The following VPS54 variants were observed in gnomAD, a reference collection of about 807,000 sequenced individuals.
VPS54 encodes the protein vacuolar protein sorting-associated protein 54.
A neutral mutation model predicts 121.5 loss-of-function variants in VPS54; 45 were observed. The ratio of observed to expected loss-of-function variants is 0.37; its 90% CI spans 0.29 to 0.47. The LOEUF (loss-of-function observed/expected upper bound fraction) is 0.47, where lower values mean the gene tolerates loss of function less well. Ranked by LOEUF, VPS54 falls within the 20% of genes least tolerant of loss-of-function variation. The pLI is 0.99. For synonymous variants in VPS54, 371 were observed against 385.8 expected (o/e 0.96, Z 0.45); for missense variants, 1,090 against 1,131.4 (o/e 0.96, Z 0.52).
intron 20 of VPS54, among the ~76,000 whole-genome samples, chr2:63,906,695 G>C (rs915765493): frequency 5.3e-5 from 8 of 152,144 alleles, no homozygotes; most frequent in African/African-American, 1.9e-4. Flanking sequence ...CATAGTTTCT[G>C]GCTAGCAGGT....
At position 64,017,466 on chromosome 2, in the gene VPS54, A is replaced by G. The variant is rs893234947; in HGVS notation, c.-21+1472T>C. Among the ~76,000 whole-genome samples, 4 of 152,240 alleles carry G rather than the reference A, an allele frequency of 2.6e-5. No individual in the cohort carries two copies. The South Asian group carries it at 8.3e-4, about 31-fold the overall frequency. ...AAAAAATTATCTTATCCAGAAATCA[A>G]TTTTAACTTTCCAGAAAATATAAGC... On this transcript the variant is annotated intron_variant, in intron 1 of 22. Transcript: ENST00000272322.
chr2:63,920,322 T>A, intron 14 of VPS54, 124 bp downstream of exon 14: 1 of 899,422 alleles, frequency 1.1e-6, no homozygotes. Flanking sequence ...ACAATCTGCC[T>A]TTAATTAAAA....
intron 1 of VPS54, among the ~76,000 whole-genome samples, chr2:64,000,478 G>A (rs1399399320): frequency 6.6e-6 from 1 of 151,734 alleles, no homozygotes; most frequent in Admixed American, 6.6e-5. Flanking sequence ...GGACATTGAA[G>A]TTATTTATTG....
chr2:63,893,902 T>C (rs1409271908), intron 22 of VPS54, among the ~76,000 whole-genome samples: 1 of 152,170 alleles, frequency 6.6e-6, no homozygotes, highest in African/African-American at 2.4e-5. Flanking sequence ...CTGACTAAAA[T>C]AGTAAACTCA....
intron 8 of VPS54, among the ~76,000 whole-genome samples, chr2:63,947,753 G>C (rs1675048847): frequency 6.6e-6 from 1 of 152,088 alleles, no homozygotes; most frequent in African/African-American, 2.4e-5. Context: ...GGTATTTTTT[G>C]TTCTAGTTTC....
chr2:63,979,932 GA>G (rs988222995), intron 3 of VPS54, among the ~76,000 whole-genome samples: 7 of 151,724 alleles, frequency 4.6e-5, no homozygotes, highest in Non-Finnish European at 7.4e-5. Flanking sequence ...ATGAACACTT[GA>G]AAAAAAAGTA....
intron 17 of VPS54, among the ~76,000 whole-genome samples, chr2:63,913,628 T>C (rs918930800): frequency 6.6e-6 from 1 of 152,182 alleles, no homozygotes; most frequent in South Asian, 2.1e-4. Context: ...TCAAAAGTTA[T>C]AAAAATCTGT....
At chr2:63,969,221 G>A (rs1676154028) in intron 4 of VPS54, among the ~76,000 whole-genome samples, 1 of 152,016 alleles carries the variant, frequency 6.6e-6, no homozygotes, top group African/African-American at 2.4e-5. Flanking sequence ...CAATAAAACA[G>A]CAAAATACAT....
chr2:63,974,749 T>C (rs939211037), intron 3 of VPS54, among the ~76,000 whole-genome samples: 1 of 152,318 alleles, frequency 6.6e-6, no homozygotes, highest in African/African-American at 2.4e-5. Flanking sequence ...TGCTGGTATA[T>C]AAGAAAGTAA....
chr2:63,987,579 T>C (rs1054879509), intron 1 of VPS54, among the ~76,000 whole-genome samples: 1 of 152,240 alleles, frequency 6.6e-6, no homozygotes, highest in African/African-American at 2.4e-5. Context: ...ATTGGTATTT[T>C]GATAGGGAAT....
intron 1 of VPS54, among the ~76,000 whole-genome samples, chr2:63,993,080 G>C (rs1677403637): frequency 6.6e-6 from 1 of 152,136 alleles, no homozygotes; most frequent in Non-Finnish European, 1.5e-5. Context: ...CAAATTTTGA[G>C]CTGCTGTGTT....
At chr2:63,948,563 G>A (rs545909258) in intron 8 of VPS54, among the ~76,000 whole-genome samples, 40 of 151,458 alleles carry the variant, frequency 2.6e-4, no homozygotes, top group African/African-American at 8.5e-4. Context: ...ACTACACCCA[G>A]CTAATTTTTT....
chr2:63,962,264 T>C lies in VPS54; in HGVS notation c.804A>G (p.Glu268=). The C allele has an allele frequency of 6.2e-7, 1 of 1,614,102 alleles. No individual in the cohort carries two copies. Among genetic ancestry groups the C allele is most frequent in the Non-Finnish European group, 8.5e-7 (1 of 1,179,942 alleles). The stretch of plus-strand genomic sequence containing the variant: ...CCAGTCTTAAAATGTGGAGTGATCC[T>C]TCACACATTACTTTATCAATCTGTG... ...KIAQIDKVMC[E]GSLHILRLAL... Residue 268 remains glutamate (E), a synonymous_variant, in exon 7 of 23, where the codon GAA becomes GAG. Coordinates refer to ENST00000272322, the MANE Select transcript of VPS54 (RefSeq NM_016516.3).
chr2:63,984,160 G>T, intron 1 of VPS54, 141 bp from the exon 2 acceptor site: 1 of 676,666 alleles, frequency 1.5e-6, no homozygotes, highest in South Asian at 3.6e-5. Flanking sequence ...CTCTTAATTG[G>T]GAAAATTGAT....
chr2:63,913,273 G>A lies in VPS54; in HGVS notation c.2372C>T (p.Ala791Val). 6.2e-7 allele frequency: 1 copy of A among 1,610,578 alleles called. No individual in the cohort carries two copies. Among genetic ancestry groups the A allele is most frequent in the Non-Finnish European group, 8.5e-7 (1 of 1,178,574 alleles). The change falls in exon 18 of 23, where the codon GCT becomes GTT. Residue 791 changes from alanine to valine, a missense_variant. Ala to Val is a moderately conservative substitution (Grantham distance 64, BLOSUM62 0). This residue lies in a region of VPS54 where 289 missense variants were observed against 374.4 expected (regional missense o/e 0.77). Coordinates refer to ENST00000272322, the MANE Select transcript of VPS54 (RefSeq NM_016516.3). ...NSRSCQLVLG[A>V]GALQVVGLKT... ...TAGTCCAACAACTTGCAGTGCACCA[G>A]CTCCAAGAACTAACTGGCAACTTCT... is the stretch of plus-strand genomic sequence containing the variant.
rs1673635674 is a variant in VPS54 at position 63,921,323 on chromosome 2, A to G, written c.1752T>C (p.Asp584=). 1 of 1,612,312 alleles carries G rather than the reference A, an allele frequency of 6.2e-7. No homozygotes were observed. The highest frequency in any genetic ancestry group is 1.3e-5 in the African/African-American group (1 of 75,020). Residue 584 remains aspartate (D), a synonymous_variant, in exon 13 of 23, where the codon GAT becomes GAC. Coordinates refer to ENST00000272322, the MANE Select transcript of VPS54 (RefSeq NM_016516.3). The stretch of plus-strand genomic sequence containing the variant: ...CTAGCTCTGAGTCAGTTAATTTCAT[A>G]TCTTCACTGACCCTGAAAATAACAA... ...PGGVDIMVSE[D]MKLTDSELGK... is the part of the protein sequence containing the mutation.
At chr2:64,001,694 C>G (rs1384652801) in intron 1 of VPS54, among the ~76,000 whole-genome samples, 1 of 151,976 alleles carries the variant, frequency 6.6e-6, no homozygotes, top group Non-Finnish European at 1.5e-5. Flanking sequence ...GGGGGCCTGA[C>G]CAGTACCCTA....
chr2:63,909,661 AC>A (rs1673053786), intron 20 of VPS54, among the ~76,000 whole-genome samples: 1 of 140,524 alleles, frequency 7.1e-6, no homozygotes, highest in Non-Finnish European at 1.5e-5. Context: ...CTCACGATCC[AC>A]CCACCTCGGC....
intron 1 of VPS54, among the ~76,000 whole-genome samples, chr2:64,001,066 A>T (rs1424014120): frequency 6.6e-6 from 1 of 152,210 alleles, no homozygotes; most frequent in Non-Finnish European, 1.5e-5. Flanking sequence ...ATTATACTGC[A>T]GCTGAGCTGG....
Sources: gnomAD v4.1 joint callset for allele counts (sites outside exome capture counted in the v4.1 genomes callset) on GRCh38, gnomAD v4.1.1 for gene constraint, gnomAD v4.1.1 regional missense constraint, MANE v1.5 for transcripts, NCBI Gene and HGNC (gene_info 2026-07-23, HGNC 2026-07-21) for gene names.